The following LHX6 variants were observed in gnomAD, a reference collection of about 807,000 sequenced individuals.
LHX6 encodes the protein LIM/homeobox protein Lhx6.
LHX6 carries 15 observed loss-of-function variants against 47.1 expected under a neutral mutation model. The observed-to-expected ratio is 0.32, with a 90% CI of 0.21 to 0.49. The LOEUF (loss-of-function observed/expected upper bound fraction) is 0.49, where lower values mean the gene tolerates loss of function less well. Ranked by LOEUF, LHX6 falls within the 20% of genes least tolerant of loss-of-function variation. The probability of loss-of-function intolerance (pLI) is 0.99; values close to 1 mark genes in which losing one functional copy is unlikely to be tolerated. For missense variants in LHX6, 404 were observed against 539.6 expected (o/e 0.75, Z 2.49); for synonymous variants, 242 against 233.5 (o/e 1.04, Z -0.33).
rs1588329260 is a variant in LHX6 at position 122,204,382 on chromosome 9, A to G, written c.*378T>C. 1 of 305,110 alleles carries G rather than the reference A, an allele frequency of 3.3e-6. No homozygotes were observed. Among genetic ancestry groups the G allele is most frequent in the Non-Finnish European group, 6.0e-6 (1 of 166,350 alleles). The allele number at this position is 305,110 out of a possible 1,614,324, so 18.9% of individuals were successfully genotyped here. ...TCCAAGGAAGTAGTAAATAAAGGCC[A>G]ATGTGGGGGAAAAAAACCTGTAAAT... On this transcript the variant is annotated 3_prime_UTR_variant, in exon 10 of 10. Transcript: ENST00000394319.
intron 9 of LHX6, among the ~76,000 whole-genome samples, chr9:122,205,271 C>T (rs1049349876): frequency 6.6e-6 from 1 of 152,250 alleles, no homozygotes; most frequent in African/African-American, 2.4e-5. Context: ...TTGCCTCTAC[C>T]TTTCCAAGGT....
chr9:122,207,387 G>A (rs1346043483), intron 9 of LHX6, among the ~76,000 whole-genome samples: 3 of 152,176 alleles, frequency 2.0e-5, no homozygotes, highest in African/African-American at 4.8e-5. Flanking sequence ...CGACAGACTC[G>A]CTGCATCCCT....
At chr9:122,228,540 G>A (rs1256868106) in intron 1 of LHX6, 117 bp downstream of exon 1, 1 of 1,255,602 alleles carries the variant, frequency 8.0e-7, no homozygotes, top group African/African-American at 1.8e-5. Context: ...CACACTCACA[G>A]GCGCACCCTC....
chr9:122,220,284 G>T (rs970749638), intron 4 of LHX6, among the ~76,000 whole-genome samples: 2 of 152,226 alleles, frequency 1.3e-5, no homozygotes, highest in African/African-American at 4.8e-5. Context: ...CCAGCTCTAG[G>T]ATCCTCCTGT....
chr9:122,210,170 G>A (rs750428841), intron 8 of LHX6, among the ~76,000 whole-genome samples: 5 of 152,032 alleles, frequency 3.3e-5, no homozygotes, highest in Non-Finnish European at 5.9e-5. Flanking sequence ...TGCCCGCCTC[G>A]GCCTCCCAAA....
chr9:122,218,658 T>C (rs182343444), intron 4 of LHX6, among the ~76,000 whole-genome samples: 267 of 152,170 alleles, frequency 1.8e-3, no homozygotes, highest in Middle Eastern at 0.01. Flanking sequence ...CTATGGTGGC[T>C]CCACTCTACC....
intron 4 of LHX6, among the ~76,000 whole-genome samples, chr9:122,222,002 T>C (rs1830884697): frequency 1.3e-5 from 2 of 152,224 alleles, no homozygotes; most frequent in African/African-American, 4.8e-5. Flanking sequence ...GAGAGTATCA[T>C]ACACACAAGG....
chr9:122,209,504 G>GCAGGCCGGGCAGACAA, intron 9 of LHX6, 110 bp downstream of exon 9: 1 of 1,501,406 alleles, frequency 6.7e-7, no homozygotes, highest in East Asian at 2.4e-5. Context: ...CGGGCAGACA[G>GCAGGCCGGGCAGACAA]GGTCTGCCAC....
At chr9:122,228,104 A>AG in intron 1 of LHX6, 1 of 532,674 alleles carries the variant, frequency 1.9e-6, no homozygotes, top group Non-Finnish European at 3.3e-6. Flanking sequence ...CGCGGTGAGC[A>AG]CCCGCCCGCC....
chr9:122,228,498 C>CCG (rs1554811472), intron 1 of LHX6, 159 bp downstream of exon 1: 15 of 1,415,286 alleles, frequency 1.1e-5, no homozygotes, highest in East Asian at 2.7e-5. Flanking sequence ...CCCCCCCCCC[C>CCG]GCTCGCGCGC....
At chr9:122,228,222 C>T (rs1831190927) in intron 1 of LHX6, 1 of 1,511,828 alleles carries the variant, frequency 6.6e-7, no homozygotes, top group Non-Finnish European at 8.9e-7. Context: ...AGAGCGAGAT[C>T]GGGGCGAAAC....
In LHX6 at chr9:122,204,681, C is replaced by T. The variant is rs760780193; in HGVS notation, c.*79G>A. ...ATGCGGAGGTGGGTGGACTCCTGGCCGCAGCTTGGACACTGGATCTCAGCG... is the reference window on the plus strand; with the variant it reads ...ATGCGGAGGTGGGTGGACTCCTGGCTGCAGCTTGGACACTGGATCTCAGCG... On this transcript the variant is annotated 3_prime_UTR_variant, in exon 10 of 10. Coordinates refer to ENST00000394319, the MANE Select transcript of LHX6 (RefSeq NM_014368.5). 9 of 1,563,406 alleles carry T rather than the reference C, an allele frequency of 5.8e-6. No homozygotes were observed. The highest frequency in any genetic ancestry group is 1.4e-5 in the African/African-American group (1 of 73,510).
chr9:122,206,457 G>A lies in LHX6; in HGVS notation c.1159-1677C>T, dbSNP rs114256239. On this transcript the variant is annotated intron_variant, in intron 9 of 9. Transcript: ENST00000394319. ...TGGACAAGAAAAGTCCCTAGGAGCT[G>A]GCGGAAAGGCCTGACAGTGAGAGGA... Among the ~76,000 whole-genome samples, 966 of 152,320 alleles carry A rather than the reference G, an allele frequency of 6.3e-3. 9 individuals carry two copies. Among genetic ancestry groups the A allele is most frequent in the African/African-American group, 0.019 (775 of 41,568 alleles).
At chr9:122,218,052 C>T (rs1488580216) in intron 4 of LHX6, among the ~76,000 whole-genome samples, 4 of 152,138 alleles carry the variant, frequency 2.6e-5, no homozygotes, top group Non-Finnish European at 2.9e-5. Context: ...ATAAAAAGCC[C>T]AGATCGAATG....
chr9:122,225,290 G>A lies in LHX6; in HGVS notation c.461+1086C>T, dbSNP rs559750388. ...CTCCACTTTTTGAGAAAGCACTTGG[G>A]AACAAGCATCCCTCTCAGGAAGTGA... On this transcript the variant is annotated intron_variant, in intron 4 of 9. Coordinates refer to ENST00000394319, the MANE Select transcript of LHX6 (RefSeq NM_014368.5). Among the ~76,000 whole-genome samples, 162 of 152,326 alleles carry A rather than the reference G, an allele frequency of 1.1e-3. 1 individual carries two copies. The highest frequency in any genetic ancestry group is 1.7e-3 in the Non-Finnish European group (117 of 68,022).
chr9:122,228,328 AGCGCT>A, intron 1 of LHX6: 1 of 1,534,360 alleles, frequency 6.5e-7, no homozygotes, highest in Non-Finnish European at 8.7e-7. Flanking sequence ...CGGGATTCTC[AGCGCT>A]GCGCCGGCAC....
chr9:122,225,566 G>T (rs1831059502), intron 4 of LHX6, among the ~76,000 whole-genome samples: 1 of 152,374 alleles, frequency 6.6e-6, no homozygotes, highest in South Asian at 2.1e-4. Context: ...GCAGCCCGGG[G>T]TAATCCCACT....
chr9:122,209,184 C>T (rs554508574), intron 9 of LHX6, among the ~76,000 whole-genome samples: 4 of 152,314 alleles, frequency 2.6e-5, no homozygotes, highest in South Asian at 4.1e-4. Flanking sequence ...CAGAGGAGGC[C>T]CTGCCAGTTG....
Position 122,226,875 on chromosome 9 carries a change from G to A in LHX6, c.312C>T (p.Leu104=). Residue 104 remains leucine, a synonymous_variant, in exon 3 of 10, where the codon CTC becomes CTT. Transcript: ENST00000394319. This position sits in a 1 kb window ranked among gnomAD's most constrained non-coding sequence, Gnocchi z 6.5. ...TGAGCAGATATCGGTCCAGGATCTC[G>A]AGGCCGCAGCTGGAGCAGATGTTCT... The part of the protein sequence containing the change: ...AGKNICSSCG[L]EILDRYLLKV... 6.4e-7 allele frequency: 1 copy of A among 1,568,136 alleles called. No homozygotes were observed. The highest frequency in any genetic ancestry group is 8.6e-7 in the Non-Finnish European group (1 of 1,156,806).
Sources: allele counts gnomAD v4.1 joint callset (sites outside exome capture counted in the v4.1 genomes callset), GRCh38; gene constraint gnomAD v4.1.1; non-coding constraint Gnocchi (gnomAD v3.1); transcripts MANE v1.5; gene names NCBI Gene and HGNC (gene_info 2026-07-23, HGNC 2026-07-21).